The following OLFM3 variants were observed in gnomAD, a reference collection of about 807,000 sequenced individuals.
OLFM3 encodes the protein noelin-3.
Under a neutral mutation model 48.6 loss-of-function variants are expected in OLFM3, and 20 were observed. That is an observed-to-expected ratio of 0.41 (90% CI 0.29 to 0.60). The LOEUF (loss-of-function observed/expected upper bound fraction) is 0.60, where lower values mean the gene tolerates loss of function less well. OLFM3 is among the 20% of genes least tolerant of loss of function. OLFM3 has a pLI of 0.28. For missense variants in OLFM3, 437 were observed against 544.3 expected, an observed-to-expected ratio of 0.80 and a Z score of 1.96; for synonymous variants, 222 against 198.1, an observed-to-expected ratio of 1.12 and a Z score of -1.01.
intron 4 of OLFM3, among the ~76,000 whole-genome samples, chr1:101,813,532 G>C (rs1176650258): frequency 6.6e-6 from 1 of 152,158 alleles, no homozygotes; most frequent in Non-Finnish European, 1.5e-5. Flanking sequence ...CTTAAAGGTA[G>C]TTGTTCTGTC....
At chr1:101,805,989 T>C (rs1653753688) in intron 5 of OLFM3, 87 bp downstream of exon 5, 1 of 907,414 alleles carries the variant, frequency 1.1e-6, no homozygotes, top group South Asian at 1.9e-5. Flanking sequence ...TACAAACAAA[T>C]ATCCCTGAAG....
At chr1:101,944,936 G>C (rs1331471362) in intron 1 of OLFM3, among the ~76,000 whole-genome samples, 1 of 151,290 alleles carries the variant, frequency 6.6e-6, no homozygotes, top group Non-Finnish European at 1.5e-5. Context: ...CCAGATGCCA[G>C]AGAAGATGCT....
chr1:101,805,740 C>T lies in OLFM3; in HGVS notation c.699+336G>A, dbSNP rs75842117. ...TAGAAAGAGTAGGCAGGGAAGTTTG[C>T]CCTTGAGTTTTTCACTTATTTAGTG... On this transcript the variant is annotated intron_variant, in intron 5 of 5. Coordinates refer to ENST00000370103, the MANE Select transcript of OLFM3 (RefSeq NM_058170.4). Among the ~76,000 whole-genome samples, 635 of 151,646 alleles carry T rather than the reference C, an allele frequency of 4.2e-3. 6 individuals carry two copies. The highest frequency in any genetic ancestry group is 0.015 in the African/African-American group (611 of 41,386).
intron 1 of OLFM3, among the ~76,000 whole-genome samples, chr1:101,961,718 G>T (rs922483680): frequency 6.6e-6 from 1 of 152,042 alleles, no homozygotes; most frequent in Non-Finnish European, 1.5e-5. Flanking sequence ...AGAATAGGTC[G>T]CAAGATAACC....
intron 1 of OLFM3, among the ~76,000 whole-genome samples, chr1:101,904,632 T>C (rs1364033888): frequency 1.3e-5 from 2 of 152,058 alleles, no homozygotes; most frequent in Non-Finnish European, 2.9e-5. Flanking sequence ...GTGAACAGAA[T>C]TGCAAAAAGC....
At position 101,867,884 on chromosome 1, in the gene OLFM3, C is replaced by T. The variant is rs114906154; in HGVS notation, c.70-30859G>A. Among the ~76,000 whole-genome samples, 142 of 152,194 alleles carry T rather than the reference C, an allele frequency of 9.3e-4. 1 individual carries two copies. Among genetic ancestry groups the T allele is most frequent in the African/African-American group, 3.1e-3 (127 of 41,530 alleles). On this transcript the variant is annotated intron_variant, in intron 1 of 5. Coordinates refer to ENST00000370103, the MANE Select transcript of OLFM3 (RefSeq NM_058170.4). ...GGGACCTGGTGTGAGGAAATTGAAT[C>T]ATGGGGCAGTTCCTCTATGCCATTC...
chr1:101,819,271 C>T (rs899052339), intron 4 of OLFM3, among the ~76,000 whole-genome samples: 12 of 152,018 alleles, frequency 7.9e-5, no homozygotes, highest in African/African-American at 1.7e-4. Context: ...AGAGTAAGTG[C>T]ATGATGAGAA....
intron 1 of OLFM3, among the ~76,000 whole-genome samples, chr1:101,840,523 T>C (rs1570548624): frequency 6.6e-6 from 1 of 150,972 alleles, no homozygotes; most frequent in Non-Finnish European, 1.5e-5. Context: ...CAAGCTGAAG[T>C]GTAGTGGGGT....
At chr1:101,836,764 G>A in intron 2 of OLFM3, 115 bp downstream of exon 2, 2 of 1,075,358 alleles carry the variant, frequency 1.9e-6, no homozygotes, top group East Asian at 2.4e-5. Flanking sequence ...GCTTATCTGA[G>A]AAGGGGGACA....
intron 1 of OLFM3, among the ~76,000 whole-genome samples, chr1:101,930,788 T>C (rs1011119391): frequency 6.6e-6 from 1 of 152,148 alleles, no homozygotes; most frequent in African/African-American, 2.4e-5. Flanking sequence ...CTAAGAACAT[T>C]TGAATAATTT....
At chr1:101,848,254 C>A (rs1001058989) in intron 1 of OLFM3, among the ~76,000 whole-genome samples, 1 of 151,972 alleles carries the variant, frequency 6.6e-6, no homozygotes, top group African/African-American at 2.4e-5. Flanking sequence ...AAATTGGTTA[C>A]AAAAAGGAAA....
chr1:101,938,774 T>G (rs1014047788), intron 1 of OLFM3, among the ~76,000 whole-genome samples: 32 of 152,186 alleles, frequency 2.1e-4, no homozygotes, highest in African/African-American at 6.8e-4. Context: ...CTCAAGGTAT[T>G]TGTAACAAGT....
intron 1 of OLFM3, among the ~76,000 whole-genome samples, chr1:101,858,070 C>T (rs778289848): frequency 6.6e-6 from 1 of 152,066 alleles, no homozygotes; most frequent in Admixed American, 6.6e-5. Context: ...CTCCTCATAA[C>T]TGGTATTTCA....
At chr1:101,881,398 C>T (rs1657520067) in intron 1 of OLFM3, among the ~76,000 whole-genome samples, 1 of 151,792 alleles carries the variant, frequency 6.6e-6, no homozygotes, top group Non-Finnish European at 1.5e-5. Context: ...TCATGAAAAG[C>T]CTCTCACTTG....
chr1:101,927,445 T>C (rs1411907013), intron 1 of OLFM3, among the ~76,000 whole-genome samples: 1 of 151,992 alleles, frequency 6.6e-6, no homozygotes, highest in Admixed American at 6.6e-5. Context: ...ATAAAGTCAG[T>C]CAATCTCTTA....
intron 1 of OLFM3, among the ~76,000 whole-genome samples, chr1:101,868,491 T>C (rs939762912): frequency 1.3e-5 from 2 of 152,166 alleles, no homozygotes; most frequent in African/African-American, 4.8e-5. Context: ...TTGAGAAAGA[T>C]AATTTATGGT....
intron 1 of OLFM3, among the ~76,000 whole-genome samples, chr1:101,966,353 G>GTGTGTGTGTGTT (rs1660609478): frequency 1.1e-5 from 1 of 90,308 alleles, no homozygotes; most frequent in African/African-American, 4.5e-5. Context: ...GTGTGTGTGC[G>GTGTGTGTGTGTT]CTACAGATAA....
chr1:101,942,435 G>A (rs932244976), intron 1 of OLFM3, among the ~76,000 whole-genome samples: 3 of 152,058 alleles, frequency 2.0e-5, no homozygotes, highest in African/African-American at 4.8e-5. Context: ...TATTACTAAG[G>A]GTTTTCTCCT....
intron 1 of OLFM3, among the ~76,000 whole-genome samples, chr1:101,869,654 C>T (rs573141636): frequency 7.9e-5 from 12 of 152,164 alleles, no homozygotes; most frequent in Non-Finnish European, 1.2e-4. Context: ...ATGGCTGTGT[C>T]GTCACCCAAA....
Sources: allele counts gnomAD v4.1 joint callset (sites outside exome capture counted in the v4.1 genomes callset), GRCh38; gene constraint gnomAD v4.1.1; transcripts MANE v1.5; gene names NCBI Gene and HGNC (gene_info 2026-07-23, HGNC 2026-07-21).